The following RABGAP1L variants were observed in gnomAD, a reference collection of about 807,000 sequenced individuals.
The protein encoded by RABGAP1L is rab GTPase-activating protein 1-like.
In RABGAP1L, 63 loss-of-function variants were observed where a neutral mutation model predicts 137.7. The ratio of observed to expected loss-of-function variants is 0.46; its 90% CI spans 0.37 to 0.56. RABGAP1L has a LOEUF of 0.56. RABGAP1L is among the 20% of genes least tolerant of loss of function. RABGAP1L has a pLI of 0.00. For synonymous variants in RABGAP1L, 431 were observed against 433.7 expected (o/e 0.99, Z 0.08); for missense variants, 1,095 against 1,244.0 (o/e 0.88, Z 1.80).
chr1:174,597,561 T>A (rs937606456), intron 13 of RABGAP1L, among the ~76,000 whole-genome samples: 3 of 152,094 alleles, frequency 2.0e-5, no homozygotes, highest in African/African-American at 7.2e-5. Flanking sequence ...TTGTAATTTT[T>A]TTTTAATCTC....
chr1:174,710,785 A>G (rs1680422704), intron 17 of RABGAP1L, among the ~76,000 whole-genome samples: 1 of 152,270 alleles, frequency 6.6e-6, no homozygotes, highest in Non-Finnish European at 1.5e-5. Flanking sequence ...ATAACCAGCT[A>G]GCATCATATG....
chr1:174,461,862 T>G (rs1290556830), intron 13 of RABGAP1L, among the ~76,000 whole-genome samples: 1 of 152,184 alleles, frequency 6.6e-6, no homozygotes, highest in African/African-American at 2.4e-5. Context: ...TTATAGGCTC[T>G]TTTTGAATAT....
At chr1:174,812,341 G>A (rs1383766313) in intron 19 of RABGAP1L, among the ~76,000 whole-genome samples, 4 of 152,218 alleles carry the variant, frequency 2.6e-5, no homozygotes, top group African/African-American at 7.2e-5. Flanking sequence ...ATTTCTCTAA[G>A]TGACTTGGAA....
At chr1:174,738,457 A>AT (rs1683130045) in intron 17 of RABGAP1L, among the ~76,000 whole-genome samples, 1 of 152,104 alleles carries the variant, frequency 6.6e-6, no homozygotes, top group South Asian at 2.1e-4. Context: ...AATATATAGA[A>AT]ATCAGTGGTT....
chr1:174,267,808 G>C (rs893145680), intron 7 of RABGAP1L, among the ~76,000 whole-genome samples: 3 of 152,094 alleles, frequency 2.0e-5, no homozygotes, highest in Admixed American at 6.5e-5. Context: ...ATTTATAACT[G>C]AAAGTAAGAG....
intron 15 of RABGAP1L, among the ~76,000 whole-genome samples, chr1:174,687,711 A>G (rs1391734886): frequency 6.6e-6 from 1 of 152,148 alleles, no homozygotes; most frequent in Non-Finnish European, 1.5e-5. Context: ...TACATAAGCT[A>G]TTGCTTCTTT....
intron 15 of RABGAP1L, among the ~76,000 whole-genome samples, chr1:174,690,178 G>A (rs1176912674): frequency 6.6e-6 from 1 of 152,172 alleles, no homozygotes; most frequent in African/African-American, 2.4e-5. Context: ...AAGTACAACT[G>A]TGAATTTGGA....
At chr1:174,186,493 T>C (rs1329989099) in intron 1 of RABGAP1L, among the ~76,000 whole-genome samples, 1 of 152,222 alleles carries the variant, frequency 6.6e-6, no homozygotes, top group Non-Finnish European at 1.5e-5. Flanking sequence ...GGTTAAAATT[T>C]AAAGAGTTCA....
At chr1:174,540,213 A>G (rs988561069) in intron 13 of RABGAP1L, among the ~76,000 whole-genome samples, 29 of 152,094 alleles carry the variant, frequency 1.9e-4, no homozygotes, top group African/African-American at 6.3e-4. Flanking sequence ...AGATGGGTAG[A>G]TTGTAAAAAT....
At chr1:174,701,212 T>C in intron 16 of RABGAP1L, 7 of 1,275,616 alleles carry the variant, frequency 5.5e-6, no homozygotes, top group South Asian at 1.3e-5. Flanking sequence ...CTTGTTTAAA[T>C]TGGGAGAAAA....
intron 10 of RABGAP1L, among the ~76,000 whole-genome samples, chr1:174,282,071 T>C (rs1675618712): frequency 6.6e-6 from 1 of 152,248 alleles, no homozygotes; most frequent in Non-Finnish European, 1.5e-5. Context: ...AGATCATATG[T>C]TGGCAATTTG....
chr1:174,317,632 C>CCTGGCTGCCCCAGCCAG (rs1406838326), intron 11 of RABGAP1L, among the ~76,000 whole-genome samples: 1 of 152,076 alleles, frequency 6.6e-6, no homozygotes, highest in East Asian at 1.9e-4. Context: ...CTAGCACACC[C>CCTGGCTGCCCCAGCCAG]CTGGCTGCCC....
chr1:174,492,149 T>G (rs1030976724), intron 13 of RABGAP1L, among the ~76,000 whole-genome samples: 1 of 151,622 alleles, frequency 6.6e-6, no homozygotes, highest in South Asian at 2.1e-4. Context: ...TATTCCGCCA[T>G]CTTGCTCCAC....
chr1:174,644,078 C>A (rs1163661646), intron 14 of RABGAP1L, among the ~76,000 whole-genome samples: 1 of 151,620 alleles, frequency 6.6e-6, no homozygotes, highest in East Asian at 1.9e-4. Context: ...TTTTTTTGGT[C>A]CTCTTTAATA....
chr1:174,577,995 T>A (rs1401578922), intron 13 of RABGAP1L, among the ~76,000 whole-genome samples: 1 of 152,230 alleles, frequency 6.6e-6, no homozygotes, highest in East Asian at 1.9e-4. Context: ...AAATGTTGAA[T>A]AAAACATTGT....
chr1:174,931,501 A>T (rs1663784267), intron 19 of RABGAP1L, among the ~76,000 whole-genome samples: 1 of 152,096 alleles, frequency 6.6e-6, no homozygotes, highest in African/African-American at 2.4e-5. Flanking sequence ...AAAGACTTGC[A>T]TGTTTTTTTA....
intron 13 of RABGAP1L, among the ~76,000 whole-genome samples, chr1:174,496,280 A>T (rs1401279279): frequency 2.0e-5 from 3 of 152,232 alleles, no homozygotes; most frequent in African/African-American, 7.2e-5. Context: ...GCCGTAGGTC[A>T]GTGTCTTTAT....
intron 13 of RABGAP1L, chr1:174,548,222 C>T (rs1365887288): frequency 7.0e-7 from 1 of 1,421,302 alleles, no homozygotes; most frequent in Admixed American, 2.9e-5. Context: ...AAAGCATAAT[C>T]TACAGAATTG....
chr1:174,958,346 G>T (rs765874087), intron 20 of RABGAP1L, among the ~76,000 whole-genome samples: 1 of 152,150 alleles, frequency 6.6e-6, no homozygotes, highest in Non-Finnish European at 1.5e-5. Context: ...CTGTTCCCAG[G>T]ATGCAAAGTT....
Sources: allele counts gnomAD v4.1 joint callset (sites outside exome capture counted in the v4.1 genomes callset), GRCh38; gene constraint gnomAD v4.1.1; transcripts MANE v1.5; gene names NCBI Gene and HGNC (gene_info 2026-07-23, HGNC 2026-07-21).